The following NRTN variants were observed in gnomAD, a reference collection of about 807,000 sequenced individuals.
NRTN encodes prepro-neurturin.
Under a neutral mutation model 7.5 loss-of-function variants are expected in NRTN, and 3 were observed. The observed-to-expected ratio is 0.40, with a 90% CI of 0.18 to 1.03. NRTN has a LOEUF of 1.03. NRTN is among the 50% of genes least tolerant of loss of function. NRTN has a pLI of 0.34. For missense variants in NRTN, 310 were observed against 307.0 expected (o/e 1.01, Z -0.07); for synonymous variants, 157 against 146.6 (o/e 1.07, Z -0.51).
chr19:5,822,875 C>T (rs1320827607), intron 1 of NRTN, among the ~76,000 whole-genome samples: 3 of 151,952 alleles, frequency 2.0e-5, no homozygotes, highest in Non-Finnish European at 2.9e-5. Flanking sequence ...TAAAAATTAG[C>T]CAGGCACGGT....
chr19:5,820,274 A>C (rs2057019426), intron 1 of NRTN, among the ~76,000 whole-genome samples: 1 of 142,070 alleles, frequency 7.0e-6, no homozygotes, highest in Admixed American at 7.0e-5. Context: ...TCAAAAAAAA[A>C]AAAAAAAAAT....
At position 5,824,232 on chromosome 19, in the gene NRTN, T is replaced by C; in HGVS notation, c.67T>C (p.Cys23Arg). ...CAGCTCCGTGCTGTCCATCTGGATG[T>C]GTCGAGAGGGCCTGCTTCTCAGCCA... Reference protein sequence around the residue: ...LCSSVLSIWMCREGLLLSHRL... With the variant: ...LCSSVLSIWMRREGLLLSHRL... The change falls in exon 2 of 3, where the codon TGT becomes CGT. Residue 23 changes from cysteine (C) to arginine (R), a missense_variant. Physicochemically the swap from Cys to Arg is radical, Grantham distance 180. Transcript: ENST00000303212. 6.2e-7 allele frequency: 1 copy of C among 1,612,486 alleles called. No individual in the cohort carries two copies. Among genetic ancestry groups the C allele is most frequent in the Non-Finnish European group, 8.5e-7 (1 of 1,179,942 alleles).
chr19:5,824,184 G>T lies in NRTN; in HGVS notation c.19G>T (p.Ala7Ser). The T allele has an allele frequency of 6.2e-7, 1 of 1,609,706 alleles. No homozygotes were observed. The change falls in exon 2 of 3, where the codon GCG becomes TCG. Residue 7 changes from alanine to serine, a missense_variant. Coordinates refer to ENST00000303212, the MANE Select transcript of NRTN (RefSeq NM_004558.5). ...GCTGAGGATGCAGCGCTGGAAGGCG[G>T]CGGCCTTGGCCTCAGTGCTCTGCAG... MQRWKA[A>S]ALASVLCSSV...
intron 1 of NRTN, among the ~76,000 whole-genome samples, chr19:5,811,328 G>A (rs2056990046): frequency 6.6e-6 from 1 of 152,192 alleles, no homozygotes; most frequent in Non-Finnish European, 1.5e-5. Flanking sequence ...TGAGGAATGA[G>A]TAGGAGTTTG....
intron 1 of NRTN, among the ~76,000 whole-genome samples, chr19:5,820,129 G>A (rs1385802918): frequency 6.7e-6 from 1 of 148,758 alleles, no homozygotes; most frequent in Non-Finnish European, 1.5e-5. Context: ...AGCTGGGCGT[G>A]GTGGCAGACG....
rs1001181024 is a variant in NRTN at position 5,806,921 on chromosome 19, G to C, written c.-399+1470G>C. On this transcript the variant is annotated intron_variant, in intron 1 of 2. Transcript: ENST00000303212. The surrounding 1 kb of genome is among the most constrained non-coding windows in gnomAD (Gnocchi z 5.4). ...AAGATTGTTTCGACAAATGTGTGTC[G>C]ATGGCAACCGCGTGGTTGACTGGTG... Among the ~76,000 whole-genome samples, 1 of 152,170 alleles carries C rather than the reference G, an allele frequency of 6.6e-6. No homozygotes were observed. Among genetic ancestry groups the C allele is most frequent in the African/African-American group, 2.4e-5 (1 of 41,426 alleles).
chr19:5,812,172 G>GTTA (rs58005663), intron 1 of NRTN, among the ~76,000 whole-genome samples: 16,294 of 149,764 alleles, frequency 0.11, 1,539 homozygotes, highest in African/African-American at 0.26. Context: ...GCCGGGCCCA[G>GTTA]TTATTATTAT....
intron 1 of NRTN, among the ~76,000 whole-genome samples, chr19:5,815,737 GTTTT>G (rs372274776): frequency 3.3e-5 from 4 of 120,372 alleles, no homozygotes; most frequent in African/African-American, 1.2e-4. Context: ...CGCCCGGCCT[GTTTT>G]TTTTTTTTTT....
At chr19:5,811,756 A>G (rs900995388) in intron 1 of NRTN, among the ~76,000 whole-genome samples, 2 of 149,366 alleles carry the variant, frequency 1.3e-5, no homozygotes, top group African/African-American at 5.0e-5. Context: ...TCACCATGTT[A>G]GCCAGGCTGG....
chr19:5,812,492 C>A (rs1001252512), intron 1 of NRTN, among the ~76,000 whole-genome samples: 1 of 152,212 alleles, frequency 6.6e-6, no homozygotes, highest in African/African-American at 2.4e-5. Flanking sequence ...CATGAAGCCA[C>A]CCCTAGGTTG....
chr19:5,827,835 C>G lies in NRTN; in HGVS notation c.256C>G (p.Arg86Gly). The change falls in exon 3 of 3, where the codon CGG (arginine) becomes GGG (glycine). Residue 86 changes from arginine (R) to glycine (G), a missense_variant. By Grantham distance (125) the Arg-to-Gly change is moderately radical. Transcript: ENST00000303212. The stretch of plus-strand genomic sequence containing the variant: ...TGGGCGGCCCCCAGGTCCGCGCCGT[C>G]GGGCGGGGCCCCGGCGGCGGCGCGC... ...WAGRPPGPRR[R>G]AGPRRRRARA... 8.6e-7 allele frequency: 1 copy of G among 1,164,666 alleles called. No individual in the cohort carries two copies. Among genetic ancestry groups the G allele is most frequent in the African/African-American group, 1.6e-5 (1 of 61,384 alleles). 72.1% of individuals were successfully genotyped at this position (1,164,666 alleles called of 1,614,324 possible).
chr19:5,818,330 G>C (rs578196948), intron 1 of NRTN, among the ~76,000 whole-genome samples: 39 of 152,190 alleles, frequency 2.6e-4, no homozygotes, highest in South Asian at 1.9e-3. Flanking sequence ...GAGTGTGATC[G>C]TGTGTGGGCA....
At position 5,823,759 on chromosome 19, in the gene NRTN, G is replaced by T; in HGVS notation, c.-398-9G>T. 1 of 328,924 alleles carries T rather than the reference G, an allele frequency of 3.0e-6. No homozygotes were observed. The highest frequency in any genetic ancestry group is 2.9e-5 in the South Asian group (1 of 34,486). 20.4% of individuals were successfully genotyped at this position (328,924 alleles called of 1,614,324 possible). The stretch of plus-strand genomic sequence containing the variant: ...TCTCCTCCTTTCACTCTTCCCCCTG[G>T]CTCCTCAGCTGCAGCCGCTCCGGCC... On this transcript the variant is annotated splice_polypyrimidine_tract_variant and intron_variant, in intron 1 of 2. Coordinates refer to ENST00000303212, the MANE Select transcript of NRTN (RefSeq NM_004558.5).
chr19:5,816,898 C>G (rs76444128), intron 1 of NRTN, among the ~76,000 whole-genome samples: 2,071 of 152,316 alleles, frequency 0.014, 45 homozygotes, highest in African/African-American at 0.047. Flanking sequence ...AACGCCCTAG[C>G]ATGTGAGCAC....
In NRTN at chr19:5,827,768, G is replaced by C. The variant is rs151082251; in HGVS notation, c.189G>C (p.Gly63=). The C allele has an allele frequency of 0.011, 14,041 of 1,224,616 alleles. 1,370 individuals carry two copies. The African/African-American group carries it at 0.2, about 18-fold the overall frequency. The allele number at this position is 1,224,616 out of a possible 1,614,324, so 75.9% of individuals were successfully genotyped here. ...TCGCAGACCGTGCACTCCTGCAGGG[G>C]GCCCCGGATGCGATGGAGCTGCGCG... is the stretch of plus-strand genomic sequence containing the variant. The part of the protein sequence containing the change: ...RLAQYRALLQ[G]APDAMELREL... The change falls in exon 3 of 3, where the codon GGG becomes GGC. Residue 63 remains glycine (G), a synonymous_variant. Transcript: ENST00000303212.
At chr19:5,822,188 G>A (rs369183028) in intron 1 of NRTN, among the ~76,000 whole-genome samples, 6 of 152,116 alleles carry the variant, frequency 3.9e-5, no homozygotes, top group African/African-American at 9.7e-5. Flanking sequence ...CACGAGGCGC[G>A]GTCCATGCAA....
chr19:5,807,773 T>C (rs1360444028), intron 1 of NRTN, among the ~76,000 whole-genome samples: 1 of 152,148 alleles, frequency 6.6e-6, no homozygotes, highest in Non-Finnish European at 1.5e-5. Context: ...AAGGTACAAT[T>C]TGAATTTGGG....
In NRTN at chr19:5,824,277, G is replaced by T; in HGVS notation, c.112G>T (p.Val38Phe). Residue 38 changes from valine to phenylalanine, a missense_variant, in exon 2 of 3, where the codon GTC becomes TTC. Val to Phe is a conservative substitution (Grantham distance 50). Transcript: ENST00000303212. ...LLSHRLGPALVPLHRLPRTLD... is the reference protein window; with the variant it reads ...LLSHRLGPALFPLHRLPRTLD... ...CAGCCACCGCCTCGGACCTGCGCTGGTCCCCCTGCACCGCCTGCCTCGAAC... is the reference window on the plus strand; with the variant it reads ...CAGCCACCGCCTCGGACCTGCGCTGTTCCCCCTGCACCGCCTGCCTCGAAC... The T allele has an allele frequency of 6.2e-7, 1 of 1,610,390 alleles. No homozygotes were observed.
At chr19:5,827,718 C>A in intron 2 of NRTN, 31 bp from the exon 3 acceptor site, 5 of 930,038 alleles carry the variant, frequency 5.4e-6, no homozygotes, top group Non-Finnish European at 6.8e-6. Context: ...CACCCACTGA[C>A]CCCCCCTCCT....
Sources: allele counts gnomAD v4.1 joint callset (sites outside exome capture counted in the v4.1 genomes callset), GRCh38; gene constraint gnomAD v4.1.1; non-coding constraint Gnocchi (gnomAD v3.1); transcripts MANE v1.5; gene names NCBI Gene and HGNC (gene_info 2026-07-23, HGNC 2026-07-21).